Variants in SPTAN1 observed in about 807,000 individuals in gnomAD.
The protein encoded by SPTAN1 is spectrin alpha chain, non-erythrocytic 1.
A neutral mutation model predicts 331.3 loss-of-function variants in SPTAN1; 61 were observed. That is an observed-to-expected ratio of 0.18 (90% CI 0.15 to 0.23). The LOEUF (loss-of-function observed/expected upper bound fraction) is 0.23. Ranked by LOEUF, SPTAN1 falls within the 10% of genes least tolerant of loss-of-function variation. SPTAN1 has a pLI of 1.00. For missense variants in SPTAN1, 2,043 were observed against 3,147.9 expected (o/e 0.65, Z 8.40); for synonymous variants, 1,153 against 1,173.9 (o/e 0.98, Z 0.36).
rs775177064 is a variant in SPTAN1, at chr9:128,577,211, G to A, written c.868G>A (p.Val290Ile). The A allele has an allele frequency of 1.9e-6, 3 of 1,614,218 alleles. No individual in the cohort carries two copies. The highest frequency in any genetic ancestry group is 1.6e-4 in the Middle Eastern group (1 of 6,062). ...SDDFGRDLAS[V>I]QALLRKHEGL... ...TGATTTTGGCCGAGACCTGGCAAGT[G>A]TTCAGGCTCTGCTTCGGAAGCACGA... Residue 290 changes from valine (V) to isoleucine (I), a missense_variant, in exon 7 of 57, where the codon GTT (valine) becomes ATT (isoleucine). Val to Ile is a conservative substitution (Grantham distance 29). This residue lies in a region of SPTAN1 where 1,038 missense variants were observed against 1,531.5 expected (regional missense o/e 0.68). Transcript: ENST00000372739. The surrounding 1 kb of genome is among the most constrained non-coding windows in gnomAD (Gnocchi z 4.2).
At chr9:128,586,068 C>A in intron 19 of SPTAN1, 103 bp downstream of exon 19, 5 of 747,080 alleles carry the variant, frequency 6.7e-6, no homozygotes, top group Non-Finnish European at 1.1e-5. Context: ...GTGTGCATTA[C>A]AGTGATTGTT....
chr9:128,621,395 C>T (rs1329740791), intron 45 of SPTAN1, 139 bp downstream of exon 45: 4 of 735,426 alleles, frequency 5.4e-6, no homozygotes, highest in Non-Finnish European at 9.7e-6. Flanking sequence ...AATTCCATTC[C>T]TGTGTTTCGT....
At position 128,566,994 on chromosome 9, in the gene SPTAN1, G is replaced by A. The variant is rs1279545225; in HGVS notation, c.237+17G>A. 1 of 1,613,642 alleles carries A rather than the reference G, an allele frequency of 6.2e-7. No individual in the cohort carries two copies. Among genetic ancestry groups the A allele is most frequent in the Non-Finnish European group, 8.5e-7 (1 of 1,180,012 alleles). ...AACTTGCAGGTACGTCTGATCTCCT[G>A]GGATTCCTGCCAAAATTCAAGAGCC... is the stretch of plus-strand genomic sequence containing the variant. On this transcript the variant is annotated intron_variant, in intron 2 of 56. Transcript: ENST00000372739.
chr9:128,609,385 G>C (rs999956298), intron 36 of SPTAN1, 101 bp downstream of exon 36: 42 of 1,545,798 alleles, frequency 2.7e-5, no homozygotes, highest in Non-Finnish European at 3.7e-5. Context: ...TGCACCCATG[G>C]GAAGTCAGTG....
At chr9:128,555,405 T>C in intron 1 of SPTAN1, 1 of 1,289,468 alleles carries the variant, frequency 7.8e-7, no homozygotes, top group Non-Finnish European at 1.0e-6. Flanking sequence ...TCCAGGTATT[T>C]GACGAGCATG....
intron 26 of SPTAN1, 33 bp from the exon 27 acceptor site, chr9:128,600,047 C>T (rs1438714598): frequency 6.2e-7 from 1 of 1,613,926 alleles, no homozygotes; most frequent in South Asian, 1.1e-5. Flanking sequence ...TGGTCAATTG[C>T]TTGGCTGCCT....
intron 21 of SPTAN1, 57 bp downstream of exon 21, chr9:128,589,000 C>T (rs1853067048): frequency 5.0e-6 from 8 of 1,602,956 alleles, no homozygotes; most frequent in Non-Finnish European, 5.1e-6. Flanking sequence ...CACGTATGCT[C>T]AGTTGGGTTT....
intron 22 of SPTAN1, among the ~76,000 whole-genome samples, chr9:128,592,413 T>C: frequency 6.6e-6 from 1 of 152,172 alleles, no homozygotes; most frequent in African/African-American, 2.4e-5. Context: ...TAGCTGGGAC[T>C]GCTGGCACAT....
intron 37 of SPTAN1, 35 bp downstream of exon 37, chr9:128,609,700 A>G (rs1184685648): frequency 2.1e-6 from 3 of 1,425,956 alleles, no homozygotes; most frequent in South Asian, 2.9e-5. Flanking sequence ...TTGTAGTTAA[A>G]TGAGCTCCAG....
At chr9:128,603,462 C>G in intron 27 of SPTAN1, 81 bp from the exon 28 acceptor site, 1 of 1,515,754 alleles carries the variant, frequency 6.6e-7, no homozygotes, top group Non-Finnish European at 9.2e-7. Flanking sequence ...TCACAGGGAC[C>G]TAATCAATGA....
intron 36 of SPTAN1, 24 bp downstream of exon 36, chr9:128,609,308 G>A: frequency 1.1e-5 from 17 of 1,614,162 alleles, no homozygotes; most frequent in Non-Finnish European, 1.4e-5. Context: ...ACTGGGTGTT[G>A]GTCTTGATGT....
At position 128,573,649 on chromosome 9, in the gene SPTAN1, T is replaced by G. The variant is rs542356556; in HGVS notation, c.364-1026T>G. On this transcript the variant is annotated intron_variant, in intron 3 of 56. Coordinates refer to ENST00000372739, the MANE Select transcript of SPTAN1 (RefSeq NM_001130438.3). ...TTTATGTATTTTTAGTAGAGACGGG[T>G]TTCACCATGTTGGCCAGGCTGGTCT... 2.0e-5 allele frequency among the ~76,000 whole-genome samples: 3 copies of G among 149,042 alleles called. No individual in the cohort carries two copies. The East Asian group carries it at 6.0e-4, about 30-fold the overall frequency.
intron 16 of SPTAN1, 109 bp from the exon 17 acceptor site, chr9:128,584,173 T>A: frequency 6.4e-7 from 1 of 1,556,696 alleles, no homozygotes; most frequent in Non-Finnish European, 8.8e-7. Context: ...AGGAAGGAGA[T>A]AGCAGAAAGA....
chr9:128,555,620 CTTT>C (rs751209866), intron 1 of SPTAN1, among the ~76,000 whole-genome samples: 21,377 of 49,044 alleles, frequency 0.44, 2,438 homozygotes, highest in East Asian at 0.64. Context: ...TTTGCAAAGC[CTTT>C]TTTTTTTTTT....
chr9:128,631,183 T>C (rs1859660794), intron 52 of SPTAN1, among the ~76,000 whole-genome samples: 1 of 151,302 alleles, frequency 6.6e-6, no homozygotes, highest in African/African-American at 2.4e-5. Flanking sequence ...TGGGGCTGGG[T>C]GTGGTGACTT....
chr9:128,611,530 A>G (rs1353027620), intron 37 of SPTAN1, 184 bp from the exon 38 acceptor site: 2 of 677,928 alleles, frequency 3.0e-6, no homozygotes, highest in South Asian at 1.7e-5. Context: ...CTCCTTTGCT[A>G]ACTCCCCAAG....
chr9:128,611,393 C>G (rs1223909848), intron 37 of SPTAN1, among the ~76,000 whole-genome samples: 3 of 151,960 alleles, frequency 2.0e-5, no homozygotes, highest in African/African-American at 7.3e-5. Context: ...TTGCTTGAGC[C>G]GAAGAGGTTG....
chr9:128,564,184 G>A (rs1442513167), intron 1 of SPTAN1, among the ~76,000 whole-genome samples: 1 of 152,090 alleles, frequency 6.6e-6, no homozygotes. Flanking sequence ...ACTTTGGGAG[G>A]CCAAGGCGGG....
At chr9:128,624,510 G>A (rs376164380) in intron 46 of SPTAN1, 23 bp downstream of exon 46, 15 of 1,611,476 alleles carry the variant, frequency 9.3e-6, no homozygotes, top group East Asian at 2.2e-5. Flanking sequence ...AGCAAGGCCC[G>A]GAAGAGCCTT....
Sources: gnomAD v4.1 joint callset for allele counts (sites outside exome capture counted in the v4.1 genomes callset) on GRCh38, gnomAD v4.1.1 for gene constraint, gnomAD v4.1.1 regional missense constraint, Gnocchi (gnomAD v3.1) non-coding constraint, MANE v1.5 for transcripts, NCBI Gene and HGNC (gene_info 2026-07-23, HGNC 2026-07-21) for gene names.